MAN1C1: variants seen among roughly 807,000 people sequenced by gnomAD.
MAN1C1 encodes mannosidase alpha class 1C member 1, also known as mannosyl-oligosaccharide 1,2-alpha-mannosidase IC.
A neutral mutation model predicts 71.5 loss-of-function variants in MAN1C1; 49 were observed. That is an observed-to-expected ratio of 0.69 (90% CI 0.54 to 0.87). The LOEUF is 0.87. MAN1C1 is among the 40% of genes least tolerant of loss of function. MAN1C1 has a pLI of 0.00. For synonymous variants in MAN1C1, 352 were observed against 343.7 expected (o/e 1.02, Z -0.27); for missense variants, 743 against 835.0 (o/e 0.89, Z 1.36).
At chr1:25,741,921 G>A (rs2047068199) in intron 2 of MAN1C1, among the ~76,000 whole-genome samples, 1 of 152,152 alleles carries the variant, frequency 6.6e-6, no homozygotes, top group Admixed American at 6.5e-5. Flanking sequence ...TGGGATGCTT[G>A]GAGACAAGGC....
intron 1 of MAN1C1, among the ~76,000 whole-genome samples, chr1:25,618,936 G>A (rs2045161055): frequency 1.3e-5 from 2 of 152,148 alleles, no homozygotes; most frequent in African/African-American, 4.8e-5. Flanking sequence ...GTACACAATT[G>A]TACATAATTG....
intron 1 of MAN1C1, among the ~76,000 whole-genome samples, chr1:25,680,558 C>T (rs2046137567): frequency 1.3e-5 from 2 of 152,346 alleles, no homozygotes; most frequent in African/African-American, 4.8e-5. Context: ...TAAATGGAAT[C>T]ATACTCCAGG....
In MAN1C1 at chr1:25,630,981, T is replaced by C. The variant is rs1264156565; in HGVS notation, c.540+12644T>C. ...TTTGTTTGTTTGTTTGTTTTTGTTT[T>C]TGAGACAGAGTCTCGCTCTGTCGCC... On this transcript the variant is annotated intron_variant, in intron 1 of 11. Coordinates refer to ENST00000374332, the MANE Select transcript of MAN1C1 (RefSeq NM_020379.4). Among the ~76,000 whole-genome samples, 3 of 151,390 alleles carry C rather than the reference T, an allele frequency of 2.0e-5. No homozygotes were observed. In the East Asian group the frequency reaches 5.8e-4, roughly 29 times the overall value.
chr1:25,619,353 C>T (rs541154403), intron 1 of MAN1C1, among the ~76,000 whole-genome samples: 1 of 152,334 alleles, frequency 6.6e-6, no homozygotes, highest in Non-Finnish European at 1.5e-5. Flanking sequence ...CTGCTTCTGC[C>T]TGGACTTCTT....
intron 1 of MAN1C1, among the ~76,000 whole-genome samples, chr1:25,665,492 A>G (rs1033719813): frequency 3.3e-5 from 5 of 152,296 alleles, no homozygotes; most frequent in Admixed American, 3.3e-4. Context: ...AACGCTTCCA[A>G]ATAGTTAGCT....
intron 2 of MAN1C1, among the ~76,000 whole-genome samples, chr1:25,690,331 C>T (rs973329917): frequency 1.2e-4 from 15 of 129,672 alleles, no homozygotes; most frequent in African/African-American, 4.3e-4. Flanking sequence ...CTTGTTCTGT[C>T]GCCCAGGCTG....
At chr1:25,733,110 G>T (rs570742985) in intron 2 of MAN1C1, among the ~76,000 whole-genome samples, 2 of 152,142 alleles carry the variant, frequency 1.3e-5, no homozygotes, top group Non-Finnish European at 2.9e-5. Context: ...TTGAATTCTT[G>T]TTCCTGGACT....
At chr1:25,714,146 C>T (rs187907866) in intron 2 of MAN1C1, among the ~76,000 whole-genome samples, 70 of 152,196 alleles carry the variant, frequency 4.6e-4, no homozygotes, top group Non-Finnish European at 7.9e-4. Context: ...GTCATATGGG[C>T]GAAATCTGAG....
rs142376571 is a variant in MAN1C1 at position 25,673,249 on chromosome 1, G to A, written c.541-13191G>A. On this transcript the variant is annotated intron_variant, in intron 1 of 11. Transcript: ENST00000374332. ...GCGGAGCACCTGCGAACACTTAGTG[G>A]AGTATGCTGTGCCCAGGTGCTGTGC... 3.6e-3 allele frequency among the ~76,000 whole-genome samples: 550 copies of A among 152,302 alleles called. 13 individuals carry two copies. Among genetic ancestry groups the A allele is most frequent in the Admixed American group, 0.027 (418 of 15,296 alleles).
chr1:25,781,748 G>T (rs906342866), intron 10 of MAN1C1, among the ~76,000 whole-genome samples: 3 of 152,014 alleles, frequency 2.0e-5, no homozygotes, highest in African/African-American at 7.2e-5. Context: ...GGGGTCCAGG[G>T]CATGCTCAGG....
At chr1:25,707,720 T>C (rs142269542) in intron 2 of MAN1C1, among the ~76,000 whole-genome samples, 1 of 152,324 alleles carries the variant, frequency 6.6e-6, no homozygotes, top group Admixed American at 6.5e-5. Flanking sequence ...GCCCTGGAGA[T>C]TTCAGAGATA....
intron 1 of MAN1C1, among the ~76,000 whole-genome samples, chr1:25,680,911 T>C (rs2046142180): frequency 6.6e-6 from 1 of 152,122 alleles, no homozygotes; most frequent in African/African-American, 2.4e-5. Context: ...GTCATGGCGA[T>C]GATTTATTAC....
At chr1:25,749,570 C>T (rs528131230) in intron 4 of MAN1C1, among the ~76,000 whole-genome samples, 1 of 152,306 alleles carries the variant, frequency 6.6e-6, no homozygotes, top group East Asian at 1.9e-4. Context: ...AGACGGCCCC[C>T]CAGGGCTGAA....
chr1:25,646,891 G>A (rs1292638808), intron 1 of MAN1C1, among the ~76,000 whole-genome samples: 1 of 152,194 alleles, frequency 6.6e-6, no homozygotes, highest in Non-Finnish European at 1.5e-5. Context: ...TGTGTACATG[G>A]TTTTGGGTGG....
At chr1:25,672,288 T>C (rs76621150) in intron 1 of MAN1C1, among the ~76,000 whole-genome samples, 406 of 152,322 alleles carry the variant, frequency 2.7e-3, no homozygotes, top group Non-Finnish European at 4.3e-3. Flanking sequence ...CTTACCTACA[T>C]TGGGCGAGGG....
chr1:25,717,598 G>T (rs1201889600), intron 2 of MAN1C1, among the ~76,000 whole-genome samples: 9 of 140,084 alleles, frequency 6.4e-5, no homozygotes, highest in Admixed American at 5.7e-4. Context: ...TTTTTGAGAT[G>T]GAGTTTCTCT....
intron 2 of MAN1C1, among the ~76,000 whole-genome samples, chr1:25,737,419 C>A (rs2046997596): frequency 6.6e-6 from 1 of 152,252 alleles, no homozygotes; most frequent in African/African-American, 2.4e-5. Context: ...ACAGGGATTT[C>A]CTTGGTAGCT....
intron 7 of MAN1C1, among the ~76,000 whole-genome samples, chr1:25,768,709 A>G (rs1377886698): frequency 8.7e-6 from 1 of 114,414 alleles, no homozygotes; most frequent in East Asian, 3.0e-4. Context: ...CACACACACT[A>G]CATACACTCC....
At chr1:25,748,455 GCT>G (rs2047168077) in intron 3 of MAN1C1, among the ~76,000 whole-genome samples, 2 of 152,220 alleles carry the variant, frequency 1.3e-5, no homozygotes, top group Admixed American at 6.5e-5. Context: ...GGCATGTCTG[GCT>G]GTGGGCAGGC....
Sources: gnomAD v4.1 joint callset for allele counts (sites outside exome capture counted in the v4.1 genomes callset) on GRCh38, gnomAD v4.1.1 for gene constraint, MANE v1.5 for transcripts, NCBI Gene and HGNC (gene_info 2026-07-23, HGNC 2026-07-21) for gene names.